The following ARHGAP24 variants were observed in gnomAD, a reference collection of about 807,000 sequenced individuals.
ARHGAP24 encodes Rho GTPase activating protein 24.
In ARHGAP24, 50 loss-of-function variants were observed where a neutral mutation model predicts 76.4. That is an observed-to-expected ratio of 0.65 (90% CI 0.52 to 0.83). The LOEUF (loss-of-function observed/expected upper bound fraction) is 0.83, where lower values mean the gene tolerates loss of function less well. Ranked by LOEUF, ARHGAP24 falls within the 40% of genes least tolerant of loss-of-function variation. The pLI is 0.00. For synonymous variants in ARHGAP24, 345 were observed against 323.3 expected, an observed-to-expected ratio of 1.07 and a Z score of -0.72; for missense variants, 930 against 914.2, an observed-to-expected ratio of 1.02 and a Z score of -0.22.
intron 3 of ARHGAP24, among the ~76,000 whole-genome samples, chr4:85,773,740 G>A (rs1414584355): frequency 6.6e-6 from 1 of 152,112 alleles, no homozygotes; most frequent in African/African-American, 2.4e-5. Flanking sequence ...CAAGGAAGAA[G>A]AAAAGAATTT....
At chr4:85,984,456 T>C (rs1739863877) in intron 8 of ARHGAP24, among the ~76,000 whole-genome samples, 1 of 152,170 alleles carries the variant, frequency 6.6e-6, no homozygotes, top group Non-Finnish European at 1.5e-5. Flanking sequence ...GAAGGAGCTC[T>C]CTGGGATCTC....
rs577665172 is a variant in ARHGAP24 at position 85,594,611 on chromosome 4, T to C, written c.180+23890T>C. ...CCATTGAATTGCCTTCTAATTAGTA[T>C]AAAAAAAGGGAATCTTACTTTCTGT... On this transcript the variant is annotated intron_variant, in intron 2 of 9. Coordinates refer to ENST00000395184, the MANE Select transcript of ARHGAP24 (RefSeq NM_001025616.3). 6.6e-5 allele frequency among the ~76,000 whole-genome samples: 10 copies of C among 151,944 alleles called. No homozygotes were observed. The South Asian group carries it at 1.7e-3, about 25-fold the overall frequency.
At chr4:85,932,404 TC>T (rs953368826) in intron 4 of ARHGAP24, among the ~76,000 whole-genome samples, 1 of 151,848 alleles carries the variant, frequency 6.6e-6, no homozygotes, top group African/African-American at 2.4e-5. Flanking sequence ...ACATGAGATG[TC>T]TGGAGGATTA....
chr4:85,926,673 A>C (rs996224744), intron 4 of ARHGAP24, among the ~76,000 whole-genome samples: 2 of 152,196 alleles, frequency 1.3e-5, no homozygotes, highest in Non-Finnish European at 2.9e-5. Context: ...CTTATGTTAC[A>C]CTGTGTATTA....
At chr4:85,756,629 A>G (rs1381519900) in intron 3 of ARHGAP24, among the ~76,000 whole-genome samples, 2 of 152,172 alleles carry the variant, frequency 1.3e-5, no homozygotes, top group Admixed American at 6.5e-5. Flanking sequence ...AGTGACTTCA[A>G]TGCCTTTGAG....
chr4:85,480,743 G>A (rs527781323), intron 1 of ARHGAP24, among the ~76,000 whole-genome samples: 13 of 152,076 alleles, frequency 8.5e-5, no homozygotes, highest in Admixed American at 6.5e-4. Context: ...TTTAAAAAAT[G>A]TAGGAAAAAA....
Position 85,753,060 on chromosome 4 carries a change from G to A in ARHGAP24, c.268+31088G>A, listed in dbSNP as rs572471232. 2.6e-5 allele frequency among the ~76,000 whole-genome samples: 4 copies of A among 152,244 alleles called. No homozygotes were observed. The East Asian group carries it at 5.8e-4, about 22-fold the overall frequency. On this transcript the variant is annotated intron_variant, in intron 3 of 9. Coordinates refer to ENST00000395184, the MANE Select transcript of ARHGAP24 (RefSeq NM_001025616.3). ...ATGTTTAATTTGGGAAAAGGTTTTC[G>A]ATGGATATAAGAGGATGTGAGAGTG... is the stretch of plus-strand genomic sequence containing the variant.
intron 1 of ARHGAP24, among the ~76,000 whole-genome samples, chr4:85,530,135 C>T (rs1397921753): frequency 6.6e-6 from 1 of 151,808 alleles, no homozygotes; most frequent in Non-Finnish European, 1.5e-5. Context: ...GTCCCATATA[C>T]TCCTCCAAAT....
chr4:85,590,192 G>GCCTGCCTGCCTTCCTTCCTT (rs1560543834), intron 2 of ARHGAP24, among the ~76,000 whole-genome samples: 14 of 111,310 alleles, frequency 1.3e-4, no homozygotes, highest in African/African-American at 4.8e-4. Context: ...CTGCCTGCCT[G>GCCTGCCTGCCTTCCTTCCTT]CCTTCCTTCC....
chr4:85,477,258 A>G (rs1250116938), intron 1 of ARHGAP24, among the ~76,000 whole-genome samples: 2 of 152,150 alleles, frequency 1.3e-5, no homozygotes, highest in Admixed American at 6.5e-5. Context: ...TTGGCTTTCA[A>G]CTATATTACT....
At chr4:85,977,489 G>T (rs1000303590) in intron 7 of ARHGAP24, 81 bp from the exon 8 acceptor site, 18 of 1,495,658 alleles carry the variant, frequency 1.2e-5, no homozygotes, top group Non-Finnish European at 1.7e-5. Context: ...ACTTTAGTTT[G>T]TAAATTTTCT....
At chr4:85,860,490 G>T (rs571867507) in intron 3 of ARHGAP24, among the ~76,000 whole-genome samples, 1 of 152,154 alleles carries the variant, frequency 6.6e-6, no homozygotes, top group East Asian at 1.9e-4. Context: ...CTGGTAGTCT[G>T]GAAGAACAAG....
intron 3 of ARHGAP24, among the ~76,000 whole-genome samples, chr4:85,879,952 G>A (rs547338700): frequency 3.0e-4 from 46 of 152,124 alleles, no homozygotes; most frequent in Non-Finnish European, 5.4e-4. Context: ...TCACAATAGG[G>A]TTTACACTCC....
intron 2 of ARHGAP24, among the ~76,000 whole-genome samples, chr4:85,647,775 A>G (rs1022929878): frequency 6.6e-6 from 1 of 152,106 alleles, no homozygotes; most frequent in Admixed American, 6.6e-5. Flanking sequence ...CTTAGTGAAC[A>G]TTATAAGACC....
intron 2 of ARHGAP24, among the ~76,000 whole-genome samples, chr4:85,610,358 G>A (rs568220159): frequency 2.7e-4 from 38 of 140,228 alleles, no homozygotes; most frequent in Middle Eastern, 7.8e-3. Flanking sequence ...GCGGGAGAAT[G>A]GCGTGAACCT....
chr4:85,549,436 G>C (rs1560528352), intron 1 of ARHGAP24, among the ~76,000 whole-genome samples: 1 of 151,624 alleles, frequency 6.6e-6, no homozygotes, highest in Non-Finnish European at 1.5e-5. Context: ...TGAGATTATT[G>C]GGTATTTCTG....
At chr4:85,753,831 T>A (rs1726363666) in intron 3 of ARHGAP24, among the ~76,000 whole-genome samples, 1 of 152,208 alleles carries the variant, frequency 6.6e-6, no homozygotes, top group African/African-American at 2.4e-5. Context: ...AATACCTATA[T>A]ACAATGTGTT....
At chr4:85,624,870 T>G (rs137932147) in intron 2 of ARHGAP24, among the ~76,000 whole-genome samples, 77,670 of 152,098 alleles carry the variant, frequency 0.51, 21,540 homozygotes, top group Non-Finnish European at 0.64. Context: ...TAGAGGTGTT[T>G]GCAGTATTCT....
intron 2 of ARHGAP24, among the ~76,000 whole-genome samples, chr4:85,719,958 G>T (rs1724865287): frequency 1.3e-5 from 2 of 152,020 alleles, no homozygotes; most frequent in African/African-American, 4.8e-5. Flanking sequence ...ATTTATAGAA[G>T]GGTAGTTGCT....
Sources: gnomAD v4.1 joint callset for allele counts (sites outside exome capture counted in the v4.1 genomes callset) on GRCh38, gnomAD v4.1.1 for gene constraint, MANE v1.5 for transcripts, NCBI Gene and HGNC (gene_info 2026-07-23, HGNC 2026-07-21) for gene names.